PACRG: variants seen among roughly 807,000 people sequenced by gnomAD.
PACRG encodes the protein parkin coregulated, also known as parkin coregulated gene protein.
In PACRG, 29 loss-of-function variants were observed where a neutral mutation model predicts 29.7. The ratio of observed to expected loss-of-function variants is 0.98; its 90% CI spans 0.73 to 1.33. The LOEUF is 1.33. Among genes scored for constraint, PACRG ranks in the 40% most tolerant of loss-of-function variants. PACRG has a pLI of 0.00. For missense variants in PACRG, 279 were observed against 316.2 expected (o/e 0.88, Z 0.89); for synonymous variants, 116 against 118.7 (o/e 0.98, Z 0.15).
At chr6:162,938,507 A>T (rs1285497029) in intron 2 of PACRG, among the ~76,000 whole-genome samples, 2 of 148,104 alleles carry the variant, frequency 1.4e-5, no homozygotes, top group Non-Finnish European at 3.0e-5. Flanking sequence ...ACTAGTTTAC[A>T]CTCCCACCAG....
chr6:162,990,248 A>G (rs1022572931), intron 2 of PACRG, among the ~76,000 whole-genome samples: 7 of 151,390 alleles, frequency 4.6e-5, no homozygotes, highest in African/African-American at 1.7e-4. Flanking sequence ...ATTTGGGTAT[A>G]TACCCAGTAA....
intron 4 of PACRG, among the ~76,000 whole-genome samples, chr6:163,152,825 A>C (rs1429915640): frequency 2.0e-5 from 3 of 152,138 alleles, no homozygotes; most frequent in African/African-American, 7.2e-5. Flanking sequence ...ATGGTCCCTA[A>C]ACTGTTGCTT....
At position 162,829,118 on chromosome 6, in the gene PACRG, C is replaced by T. The variant is rs554567909; in HGVS notation, c.291+14837C>T. 2.6e-5 allele frequency among the ~76,000 whole-genome samples: 4 copies of T among 152,314 alleles called. No individual in the cohort carries two copies. The East Asian group carries it at 7.7e-4, about 29-fold the overall frequency. ...TCCATTTTTTGTGTCCCCTTTCTCT[C>T]TTCTTTTGAAAGTAAAATCGTTACT... On this transcript the variant is annotated intron_variant, in intron 2 of 4. Coordinates refer to ENST00000366888, the MANE Select transcript of PACRG (RefSeq NM_001080379.2).
intron 4 of PACRG, among the ~76,000 whole-genome samples, chr6:163,202,008 C>T (rs1397919565): frequency 6.6e-6 from 1 of 152,192 alleles, no homozygotes; most frequent in Non-Finnish European, 1.5e-5. Flanking sequence ...CTTTGAAGGG[C>T]AGGCAGGGTT....
intron 4 of PACRG, chr6:163,095,604 T>C (rs1357637578): frequency 4.0e-6 from 1 of 249,976 alleles, no homozygotes; most frequent in Non-Finnish European, 6.3e-6. Flanking sequence ...GCTTCTAGCT[T>C]CCGGAGGTGC....
chr6:163,185,987 C>T (rs2764002), intron 4 of PACRG, among the ~76,000 whole-genome samples: 67,025 of 151,726 alleles, frequency 0.44, 15,986 homozygotes, highest in Middle Eastern at 0.56. Flanking sequence ...GGAGGGCGTG[C>T]CCCCTCCTCT....
chr6:162,731,417 C>T (rs575479400), intron 1 of PACRG, among the ~76,000 whole-genome samples: 1 of 151,766 alleles, frequency 6.6e-6, no homozygotes, highest in Admixed American at 6.6e-5. Context: ...GTCATTATTC[C>T]CTAAACAATA....
At chr6:162,855,661 T>C (rs1791327157) in intron 2 of PACRG, among the ~76,000 whole-genome samples, 1 of 152,188 alleles carries the variant, frequency 6.6e-6, no homozygotes, top group African/African-American at 2.4e-5. Flanking sequence ...ATGTAACTTA[T>C]GACAAGGGAC....
At chr6:162,978,820 A>G (rs1458080639) in intron 2 of PACRG, among the ~76,000 whole-genome samples, 1 of 152,198 alleles carries the variant, frequency 6.6e-6, no homozygotes, top group African/African-American at 2.4e-5. Context: ...CCCACCAAAT[A>G]ATGAAATGCT....
chr6:163,033,310 C>A (rs1052597373), intron 2 of PACRG, among the ~76,000 whole-genome samples: 2 of 152,188 alleles, frequency 1.3e-5, no homozygotes, highest in African/African-American at 4.8e-5. Flanking sequence ...AGGTCTGACT[C>A]TCTCCAGCGT....
chr6:163,307,212 T>C (rs889196484), intron 4 of PACRG, among the ~76,000 whole-genome samples: 20 of 152,246 alleles, frequency 1.3e-4, no homozygotes, highest in African/African-American at 4.8e-4. Flanking sequence ...TCTCTTCAGG[T>C]GACCAATGGC....
intron 2 of PACRG, among the ~76,000 whole-genome samples, chr6:162,988,276 G>A (rs1248682304): frequency 1.3e-5 from 2 of 152,166 alleles, no homozygotes; most frequent in Non-Finnish European, 2.9e-5. Context: ...AATTTCACTA[G>A]GGACACAGAG....
At chr6:163,005,776 A>G (rs1328427045) in intron 2 of PACRG, among the ~76,000 whole-genome samples, 1 of 149,856 alleles carries the variant, frequency 6.7e-6, no homozygotes, top group Admixed American at 6.7e-5. Flanking sequence ...ATATATATAT[A>G]AAACGTAGTT....
intron 2 of PACRG, among the ~76,000 whole-genome samples, chr6:162,850,639 C>T (rs1790778615): frequency 6.6e-6 from 1 of 152,100 alleles, no homozygotes; most frequent in Admixed American, 6.6e-5. Context: ...TGTGTAGGTT[C>T]CTGGAGGGTG....
chr6:162,759,416 C>G (rs1782176038), intron 1 of PACRG, among the ~76,000 whole-genome samples: 1 of 152,116 alleles, frequency 6.6e-6, no homozygotes, highest in South Asian at 2.1e-4. Context: ...TTACCTCAGA[C>G]TTCTGAGAAT....
At chr6:163,010,378 T>C (rs1031345803) in intron 2 of PACRG, among the ~76,000 whole-genome samples, 7 of 152,210 alleles carry the variant, frequency 4.6e-5, no homozygotes, top group African/African-American at 1.7e-4. Context: ...CTTTTATTAG[T>C]GTGCTGACAT....
intron 2 of PACRG, among the ~76,000 whole-genome samples, chr6:162,875,406 G>C (rs934813684): frequency 4.7e-5 from 7 of 150,440 alleles, no homozygotes; most frequent in Non-Finnish European, 1.0e-4. Flanking sequence ...TTCACACACA[G>C]ACATTCCCAC....
chr6:163,022,563 C>G (rs932290650), intron 2 of PACRG, among the ~76,000 whole-genome samples: 1 of 152,186 alleles, frequency 6.6e-6, no homozygotes, highest in Admixed American at 6.5e-5. Flanking sequence ...TTCTCACTAA[C>G]AGGAGTGTCC....
At chr6:163,171,353 G>C (rs1779074815) in intron 4 of PACRG, among the ~76,000 whole-genome samples, 1 of 152,188 alleles carries the variant, frequency 6.6e-6, no homozygotes, top group Non-Finnish European at 1.5e-5. Context: ...CATTGACTGA[G>C]TGCTGACTGG....
Sources: gnomAD v4.1 joint callset for allele counts (sites outside exome capture counted in the v4.1 genomes callset) on GRCh38, gnomAD v4.1.1 for gene constraint, MANE v1.5 for transcripts, NCBI Gene and HGNC (gene_info 2026-07-23, HGNC 2026-07-21) for gene names.